The following RNF185 variants were observed in gnomAD, a reference collection of about 807,000 sequenced individuals.
RNF185 encodes ring finger protein 185.
Under a neutral mutation model 24.9 loss-of-function variants are expected in RNF185, and 13 were observed. The observed-to-expected ratio is 0.52, with a 90% CI of 0.34 to 0.83. The LOEUF (loss-of-function observed/expected upper bound fraction) is 0.83, where lower values mean the gene tolerates loss of function less well. Ranked by LOEUF, RNF185 falls within the 40% of genes least tolerant of loss-of-function variation. The pLI is 0.01. For synonymous variants in RNF185, 79 were observed against 90.3 expected (o/e 0.88, Z 0.71); for missense variants, 184 against 244.7 (o/e 0.75, Z 1.65).
At chr22:31,193,443 AG>A (rs1246319386) in intron 3 of RNF185, among the ~76,000 whole-genome samples, 1 of 152,204 alleles carries the variant, frequency 6.6e-6, no homozygotes, top group African/African-American at 2.4e-5. Flanking sequence ...AAAATCATTC[AG>A]TGCTGCCATC....
At chr22:31,186,546 G>A (rs1048504750) in intron 1 of RNF185, among the ~76,000 whole-genome samples, 2 of 152,150 alleles carry the variant, frequency 1.3e-5, no homozygotes, top group Admixed American at 6.5e-5. Flanking sequence ...AGGTTGCAGT[G>A]AGCCAAGATT....
rs1444050237 is a variant in RNF185 at position 31,189,276 on chromosome 22, A to ATG, written c.176+2007_176+2008insGT. Reference sequence around the variant, plus strand: ...ATATATTTAAATGTACAGCTGTTGTATATCTTTTTTTTTTTTTTTTTTTTT... The same window carrying ATG: ...ATATATTTAAATGTACAGCTGTTGTATGTATCTTTTTTTTTTTTTTTTTTTTT... On this transcript the variant is annotated intron_variant, in intron 2 of 6. Coordinates refer to ENST00000326132, the MANE Select transcript of RNF185 (RefSeq NM_152267.4). 4.7e-5 allele frequency among the ~76,000 whole-genome samples: 5 copies of ATG among 105,824 alleles called. 1 individual carries two copies. The highest frequency in any genetic ancestry group is 2.1e-4 in the African/African-American group (5 of 23,998). 69.4% of individuals were successfully genotyped at this position (105,824 alleles called of 152,430 possible). A position where few individuals can be genotyped will look rare whatever the true frequency, so the allele number is the denominator to read the frequency against.
rs1311559570 is a variant in RNF185 at position 31,206,095 on chromosome 22, C to T, written c.*1509C>T. 6.5e-6 allele frequency: 1 copy of T among 154,654 alleles called. No homozygotes were observed. The highest frequency in any genetic ancestry group is 2.4e-5 in the African/African-American group (1 of 41,474). 9.6% of individuals were successfully genotyped at this position (154,654 alleles called of 1,614,324 possible). A position where few individuals can be genotyped will look rare whatever the true frequency, so the allele number is the denominator to read the frequency against. ...TGCTCCTGGCTAACCCCAGCAATAA[C>T]CAACAAATGGTAGGAAGCCCCATCT... On this transcript the variant is annotated 3_prime_UTR_variant, in exon 7 of 7. Transcript: ENST00000326132.
At position 31,195,504 on chromosome 22, in the gene RNF185, T is replaced by C. The variant is rs1221952060; in HGVS notation, c.231T>C (p.Pro77=). ...LETRPNRQVC[P]VCKAGISRDK... is the part of the protein sequence containing the mutation. ...CCAGACCTAACAGACAGGTGTGTCC[T>C]GTTTGCAAAGCTGGCATCAGCCGAG... Residue 77 remains proline (P), a synonymous_variant, in exon 4 of 7, where the codon CCT becomes CCC. Transcript: ENST00000326132. The C allele has an allele frequency of 6.2e-6, 10 of 1,610,526 alleles. No homozygotes were observed. The highest frequency in any genetic ancestry group is 8.5e-6 in the Non-Finnish European group (10 of 1,178,548).
intron 1 of RNF185, among the ~76,000 whole-genome samples, chr22:31,174,006 G>GT (rs771006802): frequency 6.6e-6 from 1 of 152,292 alleles, no homozygotes; most frequent in Non-Finnish European, 1.5e-5. Context: ...TACAAAAACA[G>GT]TTTACCTTCA....
chr22:31,177,155 G>C (rs2047990960), intron 1 of RNF185, among the ~76,000 whole-genome samples: 1 of 151,998 alleles, frequency 6.6e-6, no homozygotes, highest in South Asian at 2.1e-4. Flanking sequence ...CCTGTCTTCA[G>C]GTACTATGTA....
rs150477033 is a variant in RNF185, at chr22:31,176,271, C to G, written c.-48-10776C>G. ...TTTTTTTTTGAGACAGAATCTCGCTCTGTCGCCCAGGCTGGAGTGCAGTGG... is the reference window on the plus strand; with the variant it reads ...TTTTTTTTTGAGACAGAATCTCGCTGTGTCGCCCAGGCTGGAGTGCAGTGG... On this transcript the variant is annotated intron_variant, in intron 1 of 6. Coordinates refer to ENST00000326132, the MANE Select transcript of RNF185 (RefSeq NM_152267.4). Among the ~76,000 whole-genome samples the G allele has an allele frequency of 4.7e-3, 704 of 150,754 alleles. 19 individuals carry two copies. The East Asian group carries it at 0.052, about 11-fold the overall frequency.
chr22:31,167,429 C>G (rs1418006122), intron 1 of RNF185, among the ~76,000 whole-genome samples: 2 of 152,008 alleles, frequency 1.3e-5, no homozygotes, highest in African/African-American at 4.8e-5. Context: ...TTTCAGCATA[C>G]CAAACAGAAA....
intron 6 of RNF185, among the ~76,000 whole-genome samples, chr22:31,202,850 G>A (rs553530407): frequency 2.6e-5 from 4 of 152,194 alleles, no homozygotes; most frequent in South Asian, 4.1e-4. Flanking sequence ...TCCTGACCTC[G>A]TGATCCGCCC....
intron 1 of RNF185, among the ~76,000 whole-genome samples, chr22:31,181,968 C>T (rs1044786628): frequency 6.6e-6 from 1 of 151,182 alleles, no homozygotes; most frequent in African/African-American, 2.4e-5. Context: ...CAAACCTGCA[C>T]GTTGTGCACA....
intron 1 of RNF185, among the ~76,000 whole-genome samples, chr22:31,162,790 A>C (rs914558248): frequency 6.5e-5 from 9 of 138,234 alleles, no homozygotes; most frequent in African/African-American, 1.1e-4. Flanking sequence ...TTTAAGACGG[A>C]GTCTCGCTCT....
At chr22:31,190,102 CCACAGCGTGG>C (rs1434737669) in intron 2 of RNF185, among the ~76,000 whole-genome samples, 1 of 152,178 alleles carries the variant, frequency 6.6e-6, no homozygotes, top group African/African-American at 2.4e-5. Context: ...AGGTATTCAG[CCACAGCGTGG>C]CACACAGTAC....
At chr22:31,203,956 G>A (rs569126464) in intron 6 of RNF185, among the ~76,000 whole-genome samples, 7 of 151,022 alleles carry the variant, frequency 4.6e-5, no homozygotes, top group Admixed American at 2.0e-4. Flanking sequence ...CAGCAGAATC[G>A]CTTGAACCTA....
rs999752465 is a variant in RNF185 at position 31,205,960 on chromosome 22, T to A, written c.*1374T>A. The A allele has an allele frequency of 2.1e-4, 32 of 154,330 alleles. No homozygotes were observed. The highest frequency in any genetic ancestry group is 4.6e-4 in the Admixed American group (7 of 15,296). The allele number at this position is 154,330 out of a possible 1,614,324, so 9.6% of individuals were successfully genotyped here. On this transcript the variant is annotated 3_prime_UTR_variant, in exon 7 of 7. Transcript: ENST00000326132. The stretch of plus-strand genomic sequence containing the variant: ...ACTGTTCACCTGGTGGAACAGTTCT[T>A]GCTCTGCCTTCTAGGCTTCATCCCA...
chr22:31,161,700 G>A (rs1923584216), intron 1 of RNF185, among the ~76,000 whole-genome samples: 1 of 152,144 alleles, frequency 6.6e-6, no homozygotes, highest in South Asian at 2.1e-4. Context: ...CCTTGAGGTT[G>A]TTCAGACCAG....
chr22:31,172,624 C>T (rs1335982414), intron 1 of RNF185, among the ~76,000 whole-genome samples: 15 of 151,752 alleles, frequency 9.9e-5, no homozygotes, highest in Non-Finnish European at 2.2e-4. Context: ...TGGTGCACAC[C>T]TGTGGTCCCC....
intron 5 of RNF185, 68 bp downstream of exon 5, chr22:31,197,058 T>A: frequency 6.3e-7 from 1 of 1,594,040 alleles, no homozygotes; most frequent in Non-Finnish European, 8.5e-7. Context: ...TTCTTAGCCT[T>A]ACAATTTTTC....
intron 3 of RNF185, among the ~76,000 whole-genome samples, chr22:31,194,600 C>T (rs888475304): frequency 8.6e-5 from 13 of 151,896 alleles, no homozygotes; most frequent in East Asian, 3.9e-4. Context: ...CAGTGGTGGG[C>T]GCCTGTAATC....
rs143111288 is a variant in RNF185 at position 31,168,166 on chromosome 22, G to A, written c.-49+7863G>A. Among the ~76,000 whole-genome samples, 906 of 152,112 alleles carry A rather than the reference G, an allele frequency of 6.0e-3. 12 individuals are homozygous for A. The highest frequency in any genetic ancestry group is 0.021 in the African/African-American group (873 of 41,474). On this transcript the variant is annotated intron_variant, in intron 1 of 6. Transcript: ENST00000326132. ...CTATGATTTTGTTTACTCTAAGTACGTCATATAAGTAGAATCATACAGTAT... is the reference window on the plus strand; with the variant it reads ...CTATGATTTTGTTTACTCTAAGTACATCATATAAGTAGAATCATACAGTAT...
Sources: gnomAD v4.1 joint callset for allele counts (sites outside exome capture counted in the v4.1 genomes callset) on GRCh38, gnomAD v4.1.1 for gene constraint, MANE v1.5 for transcripts, NCBI Gene and HGNC (gene_info 2026-07-23, HGNC 2026-07-21) for gene names.